Variants in FBXW7 observed in about 807,000 individuals in gnomAD.
FBXW7 encodes F-box/WD repeat-containing protein 7.
A neutral mutation model predicts 86.3 loss-of-function variants in FBXW7; 11 were observed. That is an observed-to-expected ratio of 0.13 (90% CI 0.08 to 0.21). The LOEUF is 0.21. Ranked by LOEUF, FBXW7 falls within the 10% of genes least tolerant of loss-of-function variation. The probability of loss-of-function intolerance (pLI) is 1.00; values close to 1 mark genes in which losing one functional copy is unlikely to be tolerated. For synonymous variants in FBXW7, 313 were observed against 297.9 expected, an observed-to-expected ratio of 1.05 and a Z score of -0.52; for missense variants, 488 against 847.4, an observed-to-expected ratio of 0.58 and a Z score of 5.27.
chr4:152,503,132 C>T (rs1026909469), intron 2 of FBXW7, among the ~76,000 whole-genome samples: 9 of 152,200 alleles, frequency 5.9e-5, no homozygotes, highest in Admixed American at 4.6e-4. Context: ...CTTTACAACA[C>T]GTGGAAGATA....
chr4:152,342,886 T>TTA (rs1730883393), intron 6 of FBXW7, among the ~76,000 whole-genome samples: 1 of 152,240 alleles, frequency 6.6e-6, no homozygotes. Flanking sequence ...TCTAGCTAAA[T>TTA]ACATGACTTT....
chr4:152,526,012 T>C (rs972196727), intron 2 of FBXW7, among the ~76,000 whole-genome samples: 8 of 152,214 alleles, frequency 5.3e-5, no homozygotes, highest in African/African-American at 1.9e-4. Context: ...TAGTCTGAGA[T>C]GGTATCTCAT....
chr4:152,502,197 T>C (rs1747019033), intron 2 of FBXW7, among the ~76,000 whole-genome samples: 1 of 152,198 alleles, frequency 6.6e-6, no homozygotes, highest in South Asian at 2.1e-4. Flanking sequence ...TACCAGGGAA[T>C]TGAGTTTTTA....
intron 4 of FBXW7, among the ~76,000 whole-genome samples, chr4:152,393,754 T>C (rs1311973232): frequency 6.6e-6 from 1 of 152,128 alleles, no homozygotes; most frequent in Non-Finnish European, 1.5e-5. Context: ...AAAACTGCCA[T>C]GGAAACCAAC....
intron 4 of FBXW7, among the ~76,000 whole-genome samples, chr4:152,383,671 G>T (rs1410923898): frequency 6.6e-6 from 1 of 152,064 alleles, no homozygotes; most frequent in African/African-American, 2.4e-5. Flanking sequence ...ACGGAGACAA[G>T]AAAGGATTTG....
At chr4:152,374,925 T>G (rs2126752204) in intron 4 of FBXW7, among the ~76,000 whole-genome samples, 1 of 152,192 alleles carries the variant, frequency 6.6e-6, no homozygotes, top group South Asian at 2.1e-4. Context: ...ACGTTTTATA[T>G]TTCCGTATGT....
Position 152,498,143 on chromosome 4 carries a change from A to G in FBXW7, c.-120+36798T>C, listed in dbSNP as rs139307569. Among the ~76,000 whole-genome samples the G allele has an allele frequency of 8.7e-4, 132 of 152,334 alleles. 3 individuals are homozygous for G. In the East Asian group the frequency reaches 0.022, roughly 26 times the overall value. On this transcript the variant is annotated intron_variant, in intron 2 of 13. Coordinates refer to ENST00000281708, the MANE Select transcript of FBXW7 (RefSeq NM_001349798.2). ...GAGGTTAGATACACAGGTGTTTGTTATACTACTTTCTGTCCTTTCTTTGTA... is the reference window on the plus strand; with the variant it reads ...GAGGTTAGATACACAGGTGTTTGTTGTACTACTTTCTGTCCTTTCTTTGTA...
At chr4:152,460,479 T>C (rs1179860872) in intron 2 of FBXW7, among the ~76,000 whole-genome samples, 1 of 152,242 alleles carries the variant, frequency 6.6e-6, no homozygotes. Context: ...TCCCTTGAAA[T>C]TGATTCCTTT....
intron 2 of FBXW7, among the ~76,000 whole-genome samples, chr4:152,503,325 C>T (rs1747122094): frequency 6.6e-6 from 1 of 151,830 alleles, no homozygotes; most frequent in Admixed American, 6.6e-5. Flanking sequence ...GGCTGGAGTG[C>T]AGTGGCGCAA....
At chr4:152,454,095 A>G (rs1742171594) in intron 2 of FBXW7, among the ~76,000 whole-genome samples, 1 of 152,132 alleles carries the variant, frequency 6.6e-6, no homozygotes, top group Admixed American at 6.5e-5. Flanking sequence ...TATTTCCACG[A>G]TATTAAGTAA....
intron 2 of FBXW7, among the ~76,000 whole-genome samples, chr4:152,524,566 A>G (rs917281930): frequency 6.6e-6 from 1 of 152,204 alleles, no homozygotes; most frequent in Non-Finnish European, 1.5e-5. Context: ...AGGGTGACAG[A>G]TAACAAGTGG....
At chr4:152,355,657 T>A (rs1732301513) in intron 4 of FBXW7, among the ~76,000 whole-genome samples, 1 of 152,164 alleles carries the variant, frequency 6.6e-6, no homozygotes, top group African/African-American at 2.4e-5. Context: ...TTATTGAAAT[T>A]CCATTAGCAA....
intron 4 of FBXW7, among the ~76,000 whole-genome samples, chr4:152,400,804 G>C (rs915268642): frequency 2.6e-5 from 4 of 152,170 alleles, no homozygotes; most frequent in Non-Finnish European, 5.9e-5. Context: ...GAAAGTATTT[G>C]CAAAATGCAC....
chr4:152,457,508 G>A (rs535932915), intron 2 of FBXW7, among the ~76,000 whole-genome samples: 27 of 152,124 alleles, frequency 1.8e-4, no homozygotes, highest in South Asian at 1.0e-3. Flanking sequence ...GCTGGGCGTG[G>A]TGGCAGGCGC....
chr4:152,369,597 A>G, intron 4 of FBXW7, among the ~76,000 whole-genome samples: 1 of 152,054 alleles, frequency 6.6e-6, no homozygotes, highest in African/African-American at 2.4e-5. Context: ...TTTTGACACG[A>G]AAAAAAGATG....
intron 2 of FBXW7, among the ~76,000 whole-genome samples, chr4:152,442,837 G>C (rs1440935080): frequency 6.6e-6 from 1 of 152,118 alleles, no homozygotes; most frequent in East Asian, 1.9e-4. Context: ...ACATTACTGA[G>C]GTAAAAACCT....
At chr4:152,470,253 G>A (rs1029113864) in intron 2 of FBXW7, among the ~76,000 whole-genome samples, 1 of 152,078 alleles carries the variant, frequency 6.6e-6, no homozygotes, top group African/African-American at 2.4e-5. Context: ...ACTAGACCAT[G>A]TAAAGAATGA....
At chr4:152,370,147 T>G (rs534569691) in intron 4 of FBXW7, among the ~76,000 whole-genome samples, 1 of 152,142 alleles carries the variant, frequency 6.6e-6, no homozygotes, top group Admixed American at 6.6e-5. Flanking sequence ...GAGATTTCTA[T>G]GGATTATTGA....
At chr4:152,440,403 GAACAAT>G (rs895612393) in intron 2 of FBXW7, among the ~76,000 whole-genome samples, 27 of 152,214 alleles carry the variant, frequency 1.8e-4, no homozygotes, top group African/African-American at 6.3e-4. Flanking sequence ...TCACTAAGCA[GAACAAT>G]AACAATAACA....
Sources: gnomAD v4.1 joint callset for allele counts (sites outside exome capture counted in the v4.1 genomes callset) on GRCh38, gnomAD v4.1.1 for gene constraint, MANE v1.5 for transcripts, NCBI Gene and HGNC (gene_info 2026-07-23, HGNC 2026-07-21) for gene names.